Variants in HCK observed in about 807,000 individuals in gnomAD.
HCK encodes the protein HCK proto-oncogene, Src family tyrosine kinase.
In HCK, 40 loss-of-function variants were observed where a neutral mutation model predicts 70.4. The observed-to-expected ratio is 0.57, with a 90% confidence interval of 0.44 to 0.74. HCK has a LOEUF of 0.74. Ranked by LOEUF, HCK falls within the 30% of genes least tolerant of loss-of-function variation. The pLI is 0.00. For missense variants in HCK, 568 were observed against 697.2 expected (o/e 0.81, Z 2.09); for synonymous variants, 245 against 263.2 (o/e 0.93, Z 0.67).
In HCK at chr20:32,101,317, G is replaced by A. The variant is rs1254787735; in HGVS notation, c.1379G>A (p.Gly460Glu). 1.2e-6 allele frequency: 2 copies of A among 1,613,566 alleles called. No homozygotes were observed. Among genetic ancestry groups the A allele is most frequent in the Non-Finnish European group, 1.7e-6 (2 of 1,179,850 alleles). Reference sequence around the variant, plus strand: ...TTCTAATTCCACGGCTCCTTTTCAGGGATGTCAAACCCTGAAGTGATCCGA... The same window carrying A: ...TTCTAATTCCACGGCTCCTTTTCAGAGATGTCAAACCCTGAAGTGATCCGA... Residue 460 changes from glycine (G) to glutamate (E), a missense_variant and splice_region_variant, in exon 13 of 13, where the codon GGG becomes GAG. Gly to Glu is a moderately conservative substitution (Grantham distance 98). This residue lies in a region of HCK where 160 missense variants were observed against 237.5 expected (regional missense o/e 0.67). Coordinates refer to ENST00000375852, the MANE Select transcript of HCK (RefSeq NM_002110.5).
At chr20:32,079,900 TG>T in intron 6 of HCK, 23 bp downstream of exon 6, 1 of 1,522,934 alleles carries the variant, frequency 6.6e-7, no homozygotes, top group Non-Finnish European at 9.1e-7. Context: ...CTCCCCACCT[TG>T]TCCTCCCTGC....
intron 9 of HCK, among the ~76,000 whole-genome samples, chr20:32,087,915 TA>T (rs1268394174): frequency 1.3e-5 from 2 of 152,174 alleles, no homozygotes; most frequent in African/African-American, 4.8e-5. Context: ...ATGCTGGAAT[TA>T]CAGGCGTGAG....
At chr20:32,056,833 G>A (rs1191823771) in intron 1 of HCK, among the ~76,000 whole-genome samples, 2 of 152,134 alleles carry the variant, frequency 1.3e-5, no homozygotes, top group Non-Finnish European at 2.9e-5. Flanking sequence ...TTCTACAAGA[G>A]CACAAACATG....
chr20:32,092,948 C>CT (rs140468269), intron 10 of HCK, among the ~76,000 whole-genome samples: 7,689 of 151,946 alleles, frequency 0.051, 626 homozygotes, highest in African/African-American at 0.17. Context: ...TTTGTTTTAT[C>CT]TTTTTTTTCT....
At chr20:32,095,886 T>TATTC (rs1268583915) in intron 11 of HCK, among the ~76,000 whole-genome samples, 2 of 150,640 alleles carry the variant, frequency 1.3e-5, no homozygotes, top group Non-Finnish European at 3.0e-5. Flanking sequence ...TTTATTTATT[T>TATTC]ATTTATTTAT....
rs147933931 is a variant in HCK, at chr20:32,062,003, G to A, written c.62+9517G>A. Among the ~76,000 whole-genome samples, 750 of 147,938 alleles carry A rather than the reference G, an allele frequency of 5.1e-3. 1 individual carries two copies. Among genetic ancestry groups the A allele is most frequent in the Non-Finnish European group, 8.7e-3 (586 of 67,486 alleles). On this transcript the variant is annotated intron_variant, in intron 1 of 12. Coordinates refer to ENST00000375852, the MANE Select transcript of HCK (RefSeq NM_002110.5). ...TGCCCAGGCTGGACTGCAGTGGTGC[G>A]ACCTCGGCTCCCTGCAACCTCTGAC...
chr20:32,094,807 A>AAGAGAAAG (rs1569010749), intron 11 of HCK, among the ~76,000 whole-genome samples: 2,298 of 89,186 alleles, frequency 0.026, 82 homozygotes, highest in Non-Finnish European at 0.041. Context: ...GAAAGAAAGA[A>AAGAGAAAG]AGAAAGAAAG....
chr20:32,070,205 G>A (rs1163542855), intron 1 of HCK, among the ~76,000 whole-genome samples: 1 of 152,026 alleles, frequency 6.6e-6, no homozygotes. Context: ...GAACAATTTT[G>A]GCAGATTTCT....
chr20:32,063,464 C>T (rs1050186018), intron 1 of HCK, among the ~76,000 whole-genome samples: 1 of 151,848 alleles, frequency 6.6e-6, no homozygotes, highest in African/African-American at 2.4e-5. Flanking sequence ...TCAGGACCAG[C>T]CTTGTACTCC....
chr20:32,069,767 TA>T, intron 1 of HCK: 1 of 1,278,082 alleles, frequency 7.8e-7, no homozygotes, highest in Non-Finnish European at 1.0e-6. Flanking sequence ...TCCTTGTAAA[TA>T]AAAGGAATCT....
At chr20:32,085,862 G>A (rs1049071504) in intron 8 of HCK, among the ~76,000 whole-genome samples, 3 of 152,216 alleles carry the variant, frequency 2.0e-5, no homozygotes, top group Non-Finnish European at 2.9e-5. Context: ...AGTGGCTGAT[G>A]AGGCTAGAGG....
At chr20:32,079,730 T>A (rs1346572675) in intron 5 of HCK, 44 bp from the exon 6 acceptor site, 4 of 1,378,914 alleles carry the variant, frequency 2.9e-6, no homozygotes, top group Non-Finnish European at 4.1e-6. Context: ...CGGACAGGAC[T>A]GCATGACCCC....
chr20:32,082,825 G>C (rs1278141480), intron 6 of HCK, among the ~76,000 whole-genome samples: 3 of 152,022 alleles, frequency 2.0e-5, no homozygotes, highest in Non-Finnish European at 2.9e-5. Flanking sequence ...ATATAGGGTG[G>C]TGCAAAAGTA....
chr20:32,099,220 A>G, intron 12 of HCK, 85 bp downstream of exon 12: 1 of 1,425,624 alleles, frequency 7.0e-7, no homozygotes, highest in South Asian at 1.3e-5. Flanking sequence ...ATTCAAACTG[A>G]GTTCTTGATC....
chr20:32,087,256 AT>A (rs1326793610), intron 9 of HCK, among the ~76,000 whole-genome samples: 1 of 144,168 alleles, frequency 6.9e-6, no homozygotes, highest in Non-Finnish European at 1.5e-5. Flanking sequence ...TTCTTGGGGA[AT>A]TTTTTTAGGC....
chr20:32,085,634 C>A (rs1182164960), intron 8 of HCK, among the ~76,000 whole-genome samples: 1 of 152,150 alleles, frequency 6.6e-6, no homozygotes, highest in African/African-American at 2.4e-5. Flanking sequence ...TAGACTCCTA[C>A]TACAGGAAGC....
At chr20:32,075,706 T>TCATCCATCCATCCATC (rs56660439) in intron 5 of HCK, among the ~76,000 whole-genome samples, 4 of 150,476 alleles carry the variant, frequency 2.7e-5, no homozygotes, top group East Asian at 2.0e-4. Context: ...ATCCATCCAT[T>TCATCCATCCATCCATC]CATCCATCCA....
chr20:32,056,806 C>A (rs990289522), intron 1 of HCK, among the ~76,000 whole-genome samples: 1 of 152,142 alleles, frequency 6.6e-6, no homozygotes, highest in Admixed American at 6.5e-5. Flanking sequence ...GGACTTTAAA[C>A]TCTTCTAGAA....
chr20:32,072,255 A>T, intron 2 of HCK: 1 of 160,972 alleles, frequency 6.2e-6, no homozygotes, highest in South Asian at 1.7e-4. Context: ...AAAGAGAAGC[A>T]GTCATGCTAG....
Sources: allele counts gnomAD v4.1 joint callset (sites outside exome capture counted in the v4.1 genomes callset), GRCh38; gene constraint gnomAD v4.1.1; regional missense constraint gnomAD v4.1.1; transcripts MANE v1.5; gene names NCBI Gene and HGNC (gene_info 2026-07-23, HGNC 2026-07-21).